PCSK6: variants seen among roughly 807,000 people sequenced by gnomAD.
PCSK6 encodes proprotein convertase subtilisin/kexin type 6, also known as paired basic amino acid cleaving enzyme 4.
In PCSK6, 85 loss-of-function variants were observed where a neutral mutation model predicts 123.3. That is an observed-to-expected ratio of 0.69 (90% CI 0.58 to 0.83). PCSK6 has a LOEUF of 0.83. Ranked by LOEUF, PCSK6 falls within the 40% of genes least tolerant of loss-of-function variation. The probability of loss-of-function intolerance (pLI) is 0.00; values close to 1 mark genes in which losing one functional copy is unlikely to be tolerated. For missense variants in PCSK6, 1,191 were observed against 1,282.3 expected (o/e 0.93, Z 1.09); for synonymous variants, 508 against 516.0 (o/e 0.98, Z 0.21).
At chr15:101,462,136 T>C (rs1025303112) in intron 1 of PCSK6, among the ~76,000 whole-genome samples, 4 of 152,338 alleles carry the variant, frequency 2.6e-5, no homozygotes, top group Non-Finnish European at 2.9e-5. Context: ...TAAGGGACTT[T>C]ATTGAAAGGT....
chr15:101,448,257 A>G (rs1019943915), intron 1 of PCSK6, among the ~76,000 whole-genome samples: 1 of 152,266 alleles, frequency 6.6e-6, no homozygotes, highest in Non-Finnish European at 1.5e-5. Context: ...TGATAACATC[A>G]TTAGAACATC....
chr15:101,481,014 G>C (rs7165901), intron 1 of PCSK6, among the ~76,000 whole-genome samples: 20,633 of 152,158 alleles, frequency 0.14, 1,639 homozygotes, highest in East Asian at 0.35. Context: ...TTATCTCTAA[G>C]TGCCCAGGCC....
chr15:101,475,162 C>T (rs7167600), intron 1 of PCSK6, among the ~76,000 whole-genome samples: 16,306 of 152,184 alleles, frequency 0.11, 1,017 homozygotes, highest in African/African-American at 0.18. Flanking sequence ...GTTCACTACT[C>T]CTCTCGCAAG....
rs1015530936 is a variant in PCSK6, at chr15:101,382,075, C to T, written c.1532+17G>A. The T allele has an allele frequency of 2.6e-6, 4 of 1,566,992 alleles. No homozygotes were observed. Among genetic ancestry groups the T allele is most frequent in the African/African-American group, 2.7e-5 (2 of 73,890 alleles). On this transcript the variant is annotated intron_variant, in intron 11 of 21. Transcript: ENST00000611716. ...CCACGTGCCTGAGAAGTCACCGATGCCACAGCAGAGCCTTACCTGGGTCTC... is the reference window on the plus strand; with the variant it reads ...CCACGTGCCTGAGAAGTCACCGATGTCACAGCAGAGCCTTACCTGGGTCTC...
At chr15:101,350,116 C>T (rs907186838) in intron 13 of PCSK6, among the ~76,000 whole-genome samples, 3 of 152,062 alleles carry the variant, frequency 2.0e-5, no homozygotes, top group Admixed American at 2.0e-4. Flanking sequence ...CCACGTTGGC[C>T]AGACTGGTCT....
At chr15:101,399,001 C>T (rs2042507550) in intron 6 of PCSK6, among the ~76,000 whole-genome samples, 1 of 152,184 alleles carries the variant, frequency 6.6e-6, no homozygotes, top group South Asian at 2.1e-4. Context: ...CTCCCGGGTT[C>T]AAGTGATTCT....
At chr15:101,449,974 C>T (rs749288901) in intron 1 of PCSK6, among the ~76,000 whole-genome samples, 11 of 152,070 alleles carry the variant, frequency 7.2e-5, no homozygotes, top group Non-Finnish European at 1.2e-4. Flanking sequence ...CTGGCAGGAC[C>T]CCTAGGTCAG....
At chr15:101,380,815 T>C (rs2041892688) in intron 11 of PCSK6, among the ~76,000 whole-genome samples, 1 of 152,082 alleles carries the variant, frequency 6.6e-6, no homozygotes. Context: ...CTAAAGAGAG[T>C]GACCTGTATT....
intron 7 of PCSK6, among the ~76,000 whole-genome samples, chr15:101,395,646 G>C (rs1002688042): frequency 7.2e-5 from 11 of 152,232 alleles, no homozygotes; most frequent in African/African-American, 2.7e-4. Context: ...CCATGGGACA[G>C]AAGCTGTAGG....
intron 9 of PCSK6, among the ~76,000 whole-genome samples, 168 bp from the exon 10 acceptor site, chr15:101,384,593 AC>A (rs2042006997): frequency 6.6e-6 from 1 of 152,122 alleles, no homozygotes; most frequent in Non-Finnish European, 1.5e-5. Flanking sequence ...CTCTTTGTAA[AC>A]AAGTTTCCGG....
chr15:101,471,382 A>C (rs1391010179), intron 1 of PCSK6, among the ~76,000 whole-genome samples: 1 of 145,404 alleles, frequency 6.9e-6, no homozygotes, highest in Non-Finnish European at 1.5e-5. Context: ...TCTTGCTATG[A>C]AATTTTTCAA....
At chr15:101,347,504 G>A in intron 13 of PCSK6, 3 of 1,339,102 alleles carry the variant, frequency 2.2e-6, no homozygotes, top group Non-Finnish European at 2.9e-6. Flanking sequence ...GCTGAAGACA[G>A]AACTGGTTAA....
At chr15:101,370,908 G>A (rs1280758105) in intron 11 of PCSK6, among the ~76,000 whole-genome samples, 1 of 152,166 alleles carries the variant, frequency 6.6e-6, no homozygotes, top group Non-Finnish European at 1.5e-5. Flanking sequence ...CCATTCCTCT[G>A]GACGATGGCC....
At chr15:101,404,948 T>C (rs2042724066) in intron 6 of PCSK6, among the ~76,000 whole-genome samples, 1 of 152,150 alleles carries the variant, frequency 6.6e-6, no homozygotes, top group Non-Finnish European at 1.5e-5. Context: ...CATCCAAAAA[T>C]ACATAAAAAC....
intron 13 of PCSK6, among the ~76,000 whole-genome samples, chr15:101,355,889 AGGGC>A (rs1166451307): frequency 1.3e-5 from 2 of 152,130 alleles, no homozygotes; most frequent in Non-Finnish European, 2.9e-5. Flanking sequence ...CGAGGCAAGA[AGGGC>A]GGGCTGGGAA....
chr15:101,357,218 G>A (rs566492667), intron 13 of PCSK6, among the ~76,000 whole-genome samples: 3 of 152,260 alleles, frequency 2.0e-5, no homozygotes, highest in Admixed American at 6.5e-5. Context: ...TGGTCTACGC[G>A]TGTGTGTGTG....
chr15:101,318,636 C>T (rs1277917958), intron 18 of PCSK6, among the ~76,000 whole-genome samples: 1 of 152,246 alleles, frequency 6.6e-6, no homozygotes, highest in East Asian at 1.9e-4. Context: ...GCAAAGCTCC[C>T]ATCACCAGGC....
intron 13 of PCSK6, among the ~76,000 whole-genome samples, chr15:101,364,606 C>A (rs1251256341): frequency 6.6e-6 from 1 of 152,076 alleles, no homozygotes; most frequent in Non-Finnish European, 1.5e-5. Flanking sequence ...ACCAAGGAGG[C>A]GAAAGACTTA....
At position 101,305,253 on chromosome 15, in the gene PCSK6, C is replaced by G. The variant is rs751796691; in HGVS notation, c.*5G>C. On this transcript the variant is annotated 3_prime_UTR_variant, in exon 22 of 22. Coordinates refer to ENST00000611716, the MANE Select transcript of PCSK6 (RefSeq NM_002570.5). The surrounding 1 kb of genome is among the most constrained non-coding windows in gnomAD (Gnocchi z 4.8). ...TGCCTGCCCTCTGTGGGCAGCTAGG[C>G]ACCCTTACCCGGCCAGGAGGCACGT... is the stretch of plus-strand genomic sequence containing the variant. 5.6e-6 allele frequency: 9 copies of G among 1,607,766 alleles called. No individual in the cohort carries two copies. The South Asian group carries it at 9.9e-5, about 18-fold the overall frequency.
Sources: gnomAD v4.1 joint callset for allele counts (sites outside exome capture counted in the v4.1 genomes callset) on GRCh38, gnomAD v4.1.1 for gene constraint, Gnocchi (gnomAD v3.1) non-coding constraint, MANE v1.5 for transcripts, NCBI Gene and HGNC (gene_info 2026-07-23, HGNC 2026-07-21) for gene names.